TNKS: variants seen among roughly 807,000 people sequenced by gnomAD.
The protein encoded by TNKS is poly [ADP-ribose] polymerase tankyrase-1.
TNKS carries 72 observed loss-of-function variants against 135.8 expected under a neutral mutation model. The observed-to-expected ratio is 0.53, with a 90% CI of 0.44 to 0.64. The LOEUF (loss-of-function observed/expected upper bound fraction) is 0.64, where lower values mean the gene tolerates loss of function less well. Ranked by LOEUF, TNKS falls within the 30% of genes least tolerant of loss-of-function variation. TNKS has a pLI of 0.00. For missense variants in TNKS, 1,769 were observed against 1,674.0 expected (o/e 1.06, Z -0.99); for synonymous variants, 849 against 649.3 (o/e 1.31, Z -4.68).
intron 5 of TNKS, among the ~76,000 whole-genome samples, chr8:9,692,114 A>G (rs993196725): frequency 6.6e-6 from 1 of 151,950 alleles, no homozygotes; most frequent in Non-Finnish European, 1.5e-5. Context: ...TGCTTGGGTA[A>G]ATTGTGCGTT....
chr8:9,692,633 A>T, intron 5 of TNKS, among the ~76,000 whole-genome samples: 1 of 152,224 alleles, frequency 6.6e-6, no homozygotes, highest in South Asian at 2.1e-4. Context: ...ACATACGGCT[A>T]TTAGAGAATC....
intron 11 of TNKS, among the ~76,000 whole-genome samples, chr8:9,714,793 C>T (rs1225323245): frequency 6.6e-6 from 1 of 152,160 alleles, no homozygotes; most frequent in East Asian, 1.9e-4. Flanking sequence ...TACAGAGAAA[C>T]ACTGGTTTCC....
intron 2 of TNKS, among the ~76,000 whole-genome samples, chr8:9,594,342 G>C (rs1179225553): frequency 6.6e-6 from 1 of 152,164 alleles, no homozygotes; most frequent in Non-Finnish European, 1.5e-5. Context: ...ATTTAGACTT[G>C]CATGGTCCAG....
At chr8:9,696,076 T>C (rs898339672) in intron 5 of TNKS, among the ~76,000 whole-genome samples, 2 of 152,142 alleles carry the variant, frequency 1.3e-5, no homozygotes, top group Non-Finnish European at 2.9e-5. Flanking sequence ...CTCCACAGTA[T>C]GGAAGTTAGC....
At chr8:9,666,331 A>G (rs1284832770) in intron 3 of TNKS, among the ~76,000 whole-genome samples, 2 of 152,254 alleles carry the variant, frequency 1.3e-5, no homozygotes, top group Non-Finnish European at 2.9e-5. Context: ...TTATATTTCT[A>G]CTGGACAGCA....
At chr8:9,746,411 T>A (rs1037599430) in intron 17 of TNKS, among the ~76,000 whole-genome samples, 1 of 152,322 alleles carries the variant, frequency 6.6e-6, no homozygotes, top group East Asian at 1.9e-4. Context: ...GAGCTCTTGC[T>A]TGAGTGAACC....
At chr8:9,766,795 TA>T (rs915561105) in intron 25 of TNKS, among the ~76,000 whole-genome samples, 1 of 152,158 alleles carries the variant, frequency 6.6e-6, no homozygotes, top group African/African-American at 2.4e-5. Context: ...CAAATTGGTT[TA>T]TCAGGCTCTG....
intron 3 of TNKS, among the ~76,000 whole-genome samples, chr8:9,677,816 T>C (rs1802608382): frequency 6.6e-6 from 1 of 152,166 alleles, no homozygotes; most frequent in Admixed American, 6.5e-5. Context: ...CCCATTCCCC[T>C]GTGAGTGTCC....
chr8:9,757,274 C>T (rs941183466), intron 20 of TNKS, among the ~76,000 whole-genome samples: 11 of 152,198 alleles, frequency 7.2e-5, no homozygotes, highest in Admixed American at 6.5e-4. Context: ...CACACCTGGC[C>T]AGCCTCTGGT....
At chr8:9,674,405 A>G (rs967014264) in intron 3 of TNKS, among the ~76,000 whole-genome samples, 2 of 151,376 alleles carry the variant, frequency 1.3e-5, no homozygotes, top group African/African-American at 2.4e-5. Flanking sequence ...TTCAGTAAGG[A>G]AAAAAAAAGC....
chr8:9,585,824 C>T (rs1326577191), intron 2 of TNKS, among the ~76,000 whole-genome samples: 1 of 152,056 alleles, frequency 6.6e-6, no homozygotes, highest in Non-Finnish European at 1.5e-5. Flanking sequence ...CTTGGGAGCG[C>T]AAAATTCAAG....
intron 1 of TNKS, among the ~76,000 whole-genome samples, chr8:9,574,445 C>G (rs1006245829): frequency 2.0e-5 from 3 of 152,178 alleles, no homozygotes; most frequent in Non-Finnish European, 4.4e-5. Context: ...ACTATCGGTT[C>G]TTGCCCAGAC....
In TNKS at chr8:9,776,753, A is replaced by C; in HGVS notation, c.*17A>C. On this transcript the variant is annotated 3_prime_UTR_variant, in exon 27 of 27. Coordinates refer to ENST00000310430, the MANE Select transcript of TNKS (RefSeq NM_003747.3). Reference sequence around the variant, plus strand: ...AAGACCTAGTGAATGCCTGCTGGTGAAGGCCAGATCAGATTTCAACCTGGG... The same window carrying C: ...AAGACCTAGTGAATGCCTGCTGGTGCAGGCCAGATCAGATTTCAACCTGGG... The C allele has an allele frequency of 6.2e-7, 1 of 1,611,534 alleles. No homozygotes were observed. The highest frequency in any genetic ancestry group is 8.5e-7 in the Non-Finnish European group (1 of 1,177,726).
In TNKS at chr8:9,581,802, T is replaced by C. The variant is rs145306162; in HGVS notation, c.898+1419T>C. On this transcript the variant is annotated intron_variant, in intron 2 of 26. Transcript: ENST00000310430. ...TTTTATCAGTCCTTTGAATATCTTA[T>C]TGAAATTAGTATTTCTCGCCTCCTC... Among the ~76,000 whole-genome samples, 393 of 152,356 alleles carry C rather than the reference T, an allele frequency of 2.6e-3. 3 individuals are homozygous for C. The highest frequency in any genetic ancestry group is 8.8e-3 in the African/African-American group (368 of 41,588).
Position 9,706,902 on chromosome 8 carries a change from T to C in TNKS, c.1361T>C (p.Leu454Ser). The C allele has an allele frequency of 1.2e-6, 2 of 1,614,178 alleles. No homozygotes were observed. Among genetic ancestry groups the C allele is most frequent in the Non-Finnish European group, 1.7e-6 (2 of 1,180,006 alleles). ...SKNRVEVCSL[L>S]LSHGADPTLV... Reference sequence around the variant, plus strand: ...AACCGTGTAGAAGTCTGCTCTTTGTTACTTAGCCATGGCGCTGATCCTACA... The same window carrying C: ...AACCGTGTAGAAGTCTGCTCTTTGTCACTTAGCCATGGCGCTGATCCTACA... Residue 454 changes from leucine to serine, a missense_variant, in exon 8 of 27, where the codon TTA becomes TCA. By Grantham distance (145) the Leu-to-Ser change is moderately radical. This residue lies in a region of TNKS where 523 missense variants were observed against 541.0 expected (regional missense o/e 0.97). Transcript: ENST00000310430.
In TNKS at chr8:9,580,325, C is replaced by A; in HGVS notation, c.840C>A (p.Asn280Lys). The A allele has an allele frequency of 1.2e-6, 2 of 1,614,122 alleles. No homozygotes were observed. Among genetic ancestry groups the A allele is most frequent in the Non-Finnish European group, 1.7e-6 (2 of 1,180,028 alleles). Residue 280 changes from asparagine to lysine, a missense_variant, in exon 2 of 27, where the codon AAC becomes AAA. By Grantham distance (94) the Asn-to-Lys change is moderately conservative (BLOSUM62 0). Coordinates refer to ENST00000310430, the MANE Select transcript of TNKS (RefSeq NM_003747.3). Reference sequence around the variant, plus strand: ...GAGCTGATCCAAATGCCAGGGATAACTGGAACTATACACCTCTGCATGAAG... The same window carrying A: ...GAGCTGATCCAAATGCCAGGGATAAATGGAACTATACACCTCTGCATGAAG... ...CQGADPNARD[N>K]WNYTPLHEAA... is the part of the protein sequence containing the mutation.
intron 2 of TNKS, among the ~76,000 whole-genome samples, chr8:9,608,826 T>C (rs1449415118): frequency 6.6e-6 from 1 of 152,200 alleles, no homozygotes; most frequent in African/African-American, 2.4e-5. Context: ...TGGGTGATTA[T>C]GGTACCCATC....
intron 5 of TNKS, among the ~76,000 whole-genome samples, chr8:9,695,529 A>G (rs1430261803): frequency 2.0e-5 from 3 of 152,080 alleles, no homozygotes; most frequent in African/African-American, 7.2e-5. Flanking sequence ...AACATTTTAA[A>G]CACTTCAGTT....
At chr8:9,717,101 A>ATATATATATATATATATT (rs1454492300) in intron 11 of TNKS, among the ~76,000 whole-genome samples, 41 of 119,306 alleles carry the variant, frequency 3.4e-4, no homozygotes, top group East Asian at 1.2e-3. Context: ...ATATATATAT[A>ATATATATATATATATATT]TTTTCAGGGA....
Sources: gnomAD v4.1 joint callset for allele counts (sites outside exome capture counted in the v4.1 genomes callset) on GRCh38, gnomAD v4.1.1 for gene constraint, gnomAD v4.1.1 regional missense constraint, MANE v1.5 for transcripts, NCBI Gene and HGNC (gene_info 2026-07-23, HGNC 2026-07-21) for gene names.